IFT43: variants seen among roughly 807,000 people sequenced by gnomAD.
IFT43 encodes intraflagellar transport 43.
A neutral mutation model predicts 32.3 loss-of-function variants in IFT43; 33 were observed. The observed-to-expected ratio is 1.02, with a 90% confidence interval of 0.77 to 1.37. IFT43 has a LOEUF of 1.37. Among genes scored for constraint, IFT43 ranks in the 40% most tolerant of loss-of-function variants. IFT43 has a pLI of 0.00. For synonymous variants in IFT43, 93 were observed against 98.2 expected (o/e 0.95, Z 0.31); for missense variants, 274 against 265.9 (o/e 1.03, Z -0.21).
At chr14:76,018,862 T>C (rs879716544) in intron 2 of IFT43, among the ~76,000 whole-genome samples, 9 of 152,064 alleles carry the variant, frequency 5.9e-5, no homozygotes, top group Admixed American at 4.6e-4. Flanking sequence ...TGGGTTCTTA[T>C]TTGCAGGAAT....
intron 5 of IFT43, chr14:76,059,575 C>T (rs764644382): frequency 4.9e-5 from 29 of 588,414 alleles, no homozygotes; most frequent in Non-Finnish European, 7.6e-5. Context: ...ATCTGATAAC[C>T]CTGCTTATCC....
At chr14:76,039,570 A>T (rs78789480) in intron 3 of IFT43, among the ~76,000 whole-genome samples, 2,396 of 152,308 alleles carry the variant, frequency 0.016, 95 homozygotes, top group South Asian at 0.084. Flanking sequence ...TGGGATGTGG[A>T]GACAGTATAC....
At chr14:76,003,331 A>G (rs888050660) in intron 2 of IFT43, among the ~76,000 whole-genome samples, 1 of 152,030 alleles carries the variant, frequency 6.6e-6, no homozygotes, top group Non-Finnish European at 1.5e-5. Flanking sequence ...TAGAGTTAAT[A>G]TTATACCATG....
intron 5 of IFT43, among the ~76,000 whole-genome samples, chr14:76,071,477 C>T (rs1169893571): frequency 3.3e-5 from 5 of 152,058 alleles, no homozygotes; most frequent in African/African-American, 9.7e-5. Context: ...TCTCCAGGTG[C>T]GGGGAAAGGT....
At chr14:75,989,062 ATTTC>A (rs2035587495) in intron 2 of IFT43, 85 bp downstream of exon 2, 2 of 1,512,056 alleles carry the variant, frequency 1.3e-6, no homozygotes, top group Non-Finnish European at 1.8e-6. Flanking sequence ...GGTATTCCAT[ATTTC>A]TTCTCTTGAA....
intron 5 of IFT43, among the ~76,000 whole-genome samples, chr14:76,061,549 T>G (rs1160220104): frequency 6.6e-6 from 1 of 152,224 alleles, no homozygotes; most frequent in East Asian, 1.9e-4. Flanking sequence ...CTTGGATCGT[T>G]TGTATTGCTG....
intron 5 of IFT43, among the ~76,000 whole-genome samples, chr14:76,071,533 C>G (rs1428920581): frequency 6.6e-6 from 1 of 152,098 alleles, no homozygotes; most frequent in East Asian, 1.9e-4. Flanking sequence ...ATACTCCCAC[C>G]ATGATTGATT....
chr14:75,991,318 T>C (rs2035634202), intron 2 of IFT43, among the ~76,000 whole-genome samples: 1 of 149,530 alleles, frequency 6.7e-6, no homozygotes, highest in Non-Finnish European at 1.5e-5. Context: ...GCAACAAGAG[T>C]GATATATACA....
intron 2 of IFT43, among the ~76,000 whole-genome samples, chr14:75,999,995 G>A (rs369492041): frequency 2.0e-5 from 3 of 152,208 alleles, no homozygotes; most frequent in Admixed American, 1.3e-4. Context: ...CAGGGAGATC[G>A]CTGGGAGGCG....
intron 3 of IFT43, among the ~76,000 whole-genome samples, chr14:76,048,933 T>G (rs1458620337): frequency 6.6e-6 from 1 of 152,162 alleles, no homozygotes; most frequent in Non-Finnish European, 1.5e-5. Context: ...ACCTCATGAC[T>G]TGGGTGAGTC....
chr14:76,004,084 C>G (rs1191936664), intron 2 of IFT43, among the ~76,000 whole-genome samples: 4 of 152,108 alleles, frequency 2.6e-5, no homozygotes, highest in Non-Finnish European at 4.4e-5. Flanking sequence ...CCCAGTTTGT[C>G]ATTTTACTTT....
intron 1 of IFT43, among the ~76,000 whole-genome samples, chr14:75,987,641 A>G (rs150625660): frequency 6.6e-6 from 1 of 152,360 alleles, no homozygotes; most frequent in Non-Finnish European, 1.5e-5. Flanking sequence ...TGAGATCTAA[A>G]AGTGCTTATA....
chr14:76,034,030 C>A (rs1006107049), intron 3 of IFT43, among the ~76,000 whole-genome samples: 1 of 152,132 alleles, frequency 6.6e-6, no homozygotes, highest in East Asian at 1.9e-4. Flanking sequence ...GTGATAGTAA[C>A]TTTATTGTCA....
chr14:76,022,896 T>C (rs1322732719), intron 3 of IFT43, among the ~76,000 whole-genome samples: 1 of 152,208 alleles, frequency 6.6e-6, no homozygotes, highest in African/African-American at 2.4e-5. Flanking sequence ...CGGCATGTCC[T>C]CCCCTGACAT....
At chr14:76,053,748 A>G (rs1277725056) in intron 3 of IFT43, among the ~76,000 whole-genome samples, 1 of 152,204 alleles carries the variant, frequency 6.6e-6, no homozygotes, top group Non-Finnish European at 1.5e-5. Context: ...GAAACCTGGC[A>G]TTTAATTAAC....
rs148631698 is a variant in IFT43 at position 76,065,378 on chromosome 14, G to T, written c.295+6005G>T. Among the ~76,000 whole-genome samples, 425 of 152,190 alleles carry T rather than the reference G, an allele frequency of 2.8e-3. 4 individuals carry two copies. The highest frequency in any genetic ancestry group is 9.7e-3 in the African/African-American group (404 of 41,526). On this transcript the variant is annotated intron_variant, in intron 5 of 8. Transcript: ENST00000314067. Reference sequence around the variant, plus strand: ...AAGGCCTGGTTTGTATACAATAAACGATATCCTTATTAAAGTATACAATTT... The same window carrying T: ...AAGGCCTGGTTTGTATACAATAAACTATATCCTTATTAAAGTATACAATTT...
chr14:76,024,086 A>C (rs1177023029), intron 3 of IFT43, among the ~76,000 whole-genome samples: 2 of 152,196 alleles, frequency 1.3e-5, no homozygotes, highest in African/African-American at 2.4e-5. Flanking sequence ...CAACAACAAA[A>C]TAAGGCAAGT....
At chr14:76,020,147 G>C (rs541480382) in intron 2 of IFT43, among the ~76,000 whole-genome samples, 20 of 152,076 alleles carry the variant, frequency 1.3e-4, no homozygotes, top group African/African-American at 4.8e-4. Flanking sequence ...GCTAATTTTT[G>C]TATTTTTAGT....
intron 2 of IFT43, among the ~76,000 whole-genome samples, chr14:76,001,114 G>A (rs1383023603): frequency 6.6e-6 from 1 of 152,176 alleles, no homozygotes; most frequent in African/African-American, 2.4e-5. Context: ...CACATTTTCA[G>A]TAGAGAAGCA....
Sources: allele counts gnomAD v4.1 joint callset (sites outside exome capture counted in the v4.1 genomes callset), GRCh38; gene constraint gnomAD v4.1.1; transcripts MANE v1.5; gene names NCBI Gene and HGNC (gene_info 2026-07-23, HGNC 2026-07-21).